The following WDFY3 variants were observed in gnomAD, a reference collection of about 807,000 sequenced individuals.
WDFY3 encodes WD repeat and FYVE domain containing 3, also known as WD repeat and FYVE domain-containing protein 3.
A neutral mutation model predicts 409.6 loss-of-function variants in WDFY3; 66 were observed. That is an observed-to-expected ratio of 0.16 (90% confidence interval 0.13 to 0.20). The LOEUF (loss-of-function observed/expected upper bound fraction) is 0.20. Ranked by LOEUF, WDFY3 falls within the 10% of genes least tolerant of loss-of-function variation. The pLI is 1.00. For missense variants in WDFY3, 3,031 were observed against 4,298.1 expected (o/e 0.71, Z 8.24); for synonymous variants, 1,521 against 1,537.1 (o/e 0.99, Z 0.25).
chr4:84,695,170 G>A (rs1249004910), intron 58 of WDFY3, among the ~76,000 whole-genome samples: 1 of 152,126 alleles, frequency 6.6e-6, no homozygotes, highest in African/African-American at 2.4e-5. Context: ...GGGGATGACA[G>A]AAGGGATGAG....
intron 18 of WDFY3, among the ~76,000 whole-genome samples, chr4:84,797,642 G>A (rs919192913): frequency 2.6e-5 from 4 of 151,590 alleles, no homozygotes; most frequent in Admixed American, 6.6e-5. Context: ...GTGCAGTGGC[G>A]CGATCTCGGC....
At chr4:84,802,226 C>T (rs1453536614) in intron 16 of WDFY3, among the ~76,000 whole-genome samples, 7 of 151,312 alleles carry the variant, frequency 4.6e-5, no homozygotes, top group Admixed American at 1.3e-4. Context: ...GGATTACAGG[C>T]GTGAGCCACC....
intron 53 of WDFY3, among the ~76,000 whole-genome samples, chr4:84,708,260 A>G (rs1415729212): frequency 1.3e-5 from 2 of 152,220 alleles, no homozygotes; most frequent in Non-Finnish European, 2.9e-5. Context: ...TTTATATGGC[A>G]GGAACATTTT....
At chr4:84,682,029 G>T (rs891947293) in intron 64 of WDFY3, among the ~76,000 whole-genome samples, 1 of 152,178 alleles carries the variant, frequency 6.6e-6, no homozygotes, top group African/African-American at 2.4e-5. Context: ...GTGGGGCTGG[G>T]GTGCAGCAGG....
At chr4:84,706,548 G>GA (rs34198168) in intron 53 of WDFY3, among the ~76,000 whole-genome samples, 2,323 of 111,136 alleles carry the variant, frequency 0.021, 24 homozygotes, top group Non-Finnish European at 0.029. Flanking sequence ...TTAAAATGGT[G>GA]AAAAAAAAAA....
At chr4:84,688,349 A>G in intron 61 of WDFY3, 84 bp from the exon 62 acceptor site, 6 of 1,389,530 alleles carry the variant, frequency 4.3e-6, no homozygotes, top group Non-Finnish European at 5.9e-6. Context: ...TGGATGCATC[A>G]GGAAGCAGTG....
intron 1 of WDFY3, among the ~76,000 whole-genome samples, chr4:84,963,680 A>G (rs1011268093): frequency 6.6e-6 from 1 of 152,174 alleles, no homozygotes; most frequent in African/African-American, 2.4e-5. Context: ...AATTCTAACT[A>G]AAACATCAAT....
At chr4:84,695,849 T>C (rs1578161626) in intron 58 of WDFY3, 121 bp downstream of exon 58, 1 of 918,282 alleles carries the variant, frequency 1.1e-6, no homozygotes, top group Non-Finnish European at 1.6e-6. Flanking sequence ...AAATCCTAGG[T>C]GATATTTATG....
In WDFY3 at chr4:84,841,234, G is replaced by A. The variant is rs1050991083; in HGVS notation, c.334C>T (p.Leu112=). The A allele has an allele frequency of 9.9e-6, 16 of 1,611,988 alleles. No homozygotes were observed. Among genetic ancestry groups the A allele is most frequent in the African/African-American group, 2.7e-5 (2 of 74,766 alleles). The change falls in exon 6 of 68, where the codon CTA becomes TTA. Residue 112 remains leucine (L), a synonymous_variant. Transcript: ENST00000295888. ...GCTTCTTCACTCTGATTAATCTCTA[G>A]GAACTGAACTATGGCCCGACTTGCA... ...EAASRAIVQF[L]EINQSEEASR...
At position 84,741,770 on chromosome 4, in the gene WDFY3, T is replaced by C. The variant is rs752383602; in HGVS notation, c.6225A>G (p.Leu2075=). ...SKLLIDFIIQ[L]IAQSKRRSQG... is the part of the protein sequence containing the mutation. ...AGTGACAATGGATTACCTGTGCAAT[T>C]AGTTGAATTATAAAATCTATAAGAA... The change falls in exon 38 of 68, where the codon CTA becomes CTG. Residue 2075 remains leucine (L), a synonymous_variant. Coordinates refer to ENST00000295888, the MANE Select transcript of WDFY3 (RefSeq NM_014991.6). The C allele has an allele frequency of 5.0e-6, 8 of 1,609,324 alleles. No homozygotes were observed. Among genetic ancestry groups the C allele is most frequent in the Middle Eastern group, 1.7e-4 (1 of 6,048 alleles).
intron 64 of WDFY3, among the ~76,000 whole-genome samples, chr4:84,681,446 T>C (rs1363357129): frequency 2.6e-5 from 4 of 152,216 alleles, no homozygotes; most frequent in African/African-American, 9.7e-5. Flanking sequence ...GGTGGGGCTG[T>C]AATTAGAAAT....
At chr4:84,778,434 GT>G (rs1223791830) in intron 27 of WDFY3, 68 bp downstream of exon 27, 5 of 1,346,914 alleles carry the variant, frequency 3.7e-6, no homozygotes, top group Admixed American at 5.4e-5. Context: ...AGATAAAATA[GT>G]TTATAATCAT....
In WDFY3 at chr4:84,679,025, T is replaced by C. The variant is rs755545220; in HGVS notation, c.10041A>G (p.Ile3347Met). ...TCTGGCCCTCTGAATAGTTCACAAA[T>C]ATGAAGCCGTCTTTCTCATCTAGAC... ...QLSLDEKDGFIFVNYSEGQTR... is the reference protein window; with the variant it reads ...QLSLDEKDGFMFVNYSEGQTR... Residue 3347 changes from isoleucine to methionine, a missense_variant, in exon 65 of 68, where the codon ATA (isoleucine) becomes ATG (methionine). Physicochemically the swap from Ile to Met is conservative, Grantham distance 10. Transcript: ENST00000295888. 4.3e-6 allele frequency: 7 copies of C among 1,614,182 alleles called. No individual in the cohort carries two copies. The highest frequency in any genetic ancestry group is 5.1e-6 in the Non-Finnish European group (6 of 1,180,038).
Position 84,751,511 on chromosome 4 carries a change from T to G in WDFY3, c.5945A>C (p.Gln1982Pro). 6.2e-7 allele frequency: 1 copy of G among 1,614,244 alleles called. No homozygotes were observed. Among genetic ancestry groups the G allele is most frequent in the Non-Finnish European group, 8.5e-7 (1 of 1,180,044 alleles). The change falls in exon 36 of 68, where the codon CAA (glutamine) becomes CCA (proline). Residue 1982 changes from glutamine to proline, a missense_variant. Transcript: ENST00000295888. Reference protein sequence around the residue: ...DNLCLTPASKQTPLIDLLLEA... With the variant: ...DNLCLTPASKPTPLIDLLLEA... ...CAACAAAAGATCAATTAGTGGAGTT[T>G]GCTTGCTGGCAGGAGTGAGACAGAG...
At chr4:84,927,347 T>TA (rs1241048518) in intron 2 of WDFY3, among the ~76,000 whole-genome samples, 8 of 151,986 alleles carry the variant, frequency 5.3e-5, no homozygotes, top group Admixed American at 4.6e-4. Context: ...ACACACACCT[T>TA]ATAGATTAAC....
intron 2 of WDFY3, among the ~76,000 whole-genome samples, chr4:84,920,457 T>C (rs545661358): frequency 1.3e-5 from 2 of 152,346 alleles, no homozygotes; most frequent in African/African-American, 4.8e-5. Context: ...TGCATGCATG[T>C]ATGTTTACAA....
chr4:84,859,782 C>T (rs1760320354), intron 4 of WDFY3, among the ~76,000 whole-genome samples: 1 of 152,014 alleles, frequency 6.6e-6, no homozygotes, highest in Non-Finnish European at 1.5e-5. Flanking sequence ...ACCATGTTGG[C>T]CAGGCTTGTC....
In WDFY3 at chr4:84,837,056, G is replaced by C; in HGVS notation, c.449C>G (p.Pro150Arg). The C allele has an allele frequency of 6.3e-7, 1 of 1,582,368 alleles. No homozygotes were observed. The highest frequency in any genetic ancestry group is 8.6e-7 in the Non-Finnish European group (1 of 1,164,340). Residue 150 changes from proline to arginine, a missense_variant, in exon 7 of 68, where the codon CCT (proline) becomes CGT (arginine). Physicochemically the swap from Pro to Arg is moderately radical, Grantham distance 103 (BLOSUM62 -2). This residue lies in a region of WDFY3 where 1,322 missense variants were observed against 1,697.9 expected (regional missense o/e 0.78). Transcript: ENST00000295888. The stretch of plus-strand genomic sequence containing the variant: ...ATATAAACATTTAACCAGGGTGGAA[G>C]GCACTGACATTGTTGTCATGCAGTC... Reference protein sequence around the residue: ...TVDCMTTMSVPSTLVKCLYLF... With the variant: ...TVDCMTTMSVRSTLVKCLYLF...
Position 84,778,460 on chromosome 4 carries a change from G to C in WDFY3, c.4518+43C>G. ...TTTATAATCATATGGAGTAAGAAAT[G>C]CATTCATTGATTATATATTATCAAT... On this transcript the variant is annotated intron_variant, in intron 27 of 67. Transcript: ENST00000295888. 2.7e-6 allele frequency: 4 copies of C among 1,462,176 alleles called. No individual in the cohort carries two copies. In the South Asian group the frequency reaches 4.5e-5, roughly 16 times the overall value. 90.6% of individuals were successfully genotyped at this position (1,462,176 alleles called of 1,614,324 possible).
Sources: allele counts gnomAD v4.1 joint callset (sites outside exome capture counted in the v4.1 genomes callset), GRCh38; gene constraint gnomAD v4.1.1; regional missense constraint gnomAD v4.1.1; transcripts MANE v1.5; gene names NCBI Gene and HGNC (gene_info 2026-07-23, HGNC 2026-07-21).